TAB2: variants seen among roughly 807,000 people sequenced by gnomAD.
TAB2 encodes the protein TGF-beta activated kinase 1 (MAP3K7) binding protein 2.
In TAB2, 3 loss-of-function variants were observed where a neutral mutation model predicts 65.0. The ratio of observed to expected loss-of-function variants is 0.05; its 90% CI spans 0.02 to 0.12. The LOEUF (loss-of-function observed/expected upper bound fraction) is 0.12. Among genes scored for constraint, TAB2 ranks in the 10% least tolerant of loss-of-function variants. The probability of loss-of-function intolerance (pLI) is 1.00; values close to 1 mark genes in which losing one functional copy is unlikely to be tolerated. For missense variants in TAB2, 623 were observed against 840.3 expected (o/e 0.74, Z 3.20); for synonymous variants, 298 against 285.1 (o/e 1.05, Z -0.46).
intron 1 of TAB2, among the ~76,000 whole-genome samples, chr6:149,343,984 T>G (rs1192294746): frequency 6.6e-6 from 1 of 152,234 alleles, no homozygotes; most frequent in Non-Finnish European, 1.5e-5. Flanking sequence ...ATCCTAATAT[T>G]CTAGCATGTG....
At chr6:149,368,373 A>C (rs1260205427) in intron 1 of TAB2, among the ~76,000 whole-genome samples, 2 of 152,050 alleles carry the variant, frequency 1.3e-5, no homozygotes, top group Non-Finnish European at 2.9e-5. Flanking sequence ...AAAACTATGA[A>C]AGCCTGAGTG....
intron 1 of TAB2, among the ~76,000 whole-genome samples, chr6:149,264,523 A>G (rs1458283545): frequency 2.6e-5 from 4 of 152,088 alleles, no homozygotes; most frequent in Non-Finnish European, 4.4e-5. Flanking sequence ...ATGTTGCTTC[A>G]TGTATAAGAC....
intron 1 of TAB2, among the ~76,000 whole-genome samples, chr6:149,249,866 A>G (rs1437493134): frequency 6.6e-6 from 1 of 152,186 alleles, no homozygotes; most frequent in Admixed American, 6.5e-5. Context: ...TACTACTAAT[A>G]ATAAAATTCT....
At chr6:149,272,184 G>A (rs1778376353) in intron 1 of TAB2, among the ~76,000 whole-genome samples, 1 of 152,208 alleles carries the variant, frequency 6.6e-6, no homozygotes, top group South Asian at 2.1e-4. Flanking sequence ...TAAAAAATTA[G>A]AGGAGTGTTT....
At chr6:149,396,112 G>A (rs565373982) in intron 3 of TAB2, among the ~76,000 whole-genome samples, 2 of 152,138 alleles carry the variant, frequency 1.3e-5, no homozygotes, top group South Asian at 2.1e-4. Context: ...CTGCCTCCCG[G>A]GTTCAAGCAA....
intron 1 of TAB2, among the ~76,000 whole-genome samples, chr6:149,241,393 C>T (rs190838020): frequency 3.3e-5 from 5 of 152,166 alleles, no homozygotes; most frequent in African/African-American, 9.6e-5. Context: ...GTTGATCCTG[C>T]GTACTGTAAA....
chr6:149,238,793 C>T (rs1445027864), intron 1 of TAB2, among the ~76,000 whole-genome samples: 1 of 152,186 alleles, frequency 6.6e-6, no homozygotes. Context: ...CCTTTGCTAC[C>T]TTCTGTAGGC....
At chr6:149,314,743 G>A (rs889901960), upstream of TAB2, among the ~76,000 whole-genome samples, 1 of 152,112 alleles carries the variant, frequency 6.6e-6, no homozygotes, top group Admixed American at 6.6e-5. Flanking sequence ...TAGTGCAACT[G>A]GAAGTCTGAA....
chr6:149,404,648 C>G (rs1452524661), intron 6 of TAB2, among the ~76,000 whole-genome samples: 1 of 152,204 alleles, frequency 6.6e-6, no homozygotes, highest in Admixed American at 6.5e-5. Flanking sequence ...GTCAACTTAT[C>G]TTTGACAAGC....
At chr6:149,260,052 T>C (rs903253215) in intron 1 of TAB2, among the ~76,000 whole-genome samples, 7 of 152,230 alleles carry the variant, frequency 4.6e-5, no homozygotes, top group Admixed American at 4.6e-4. Context: ...CAAGAGGAAG[T>C]ACCAAGATGG....
At chr6:149,359,913 A>G (rs1218719210) in intron 1 of TAB2, among the ~76,000 whole-genome samples, 2 of 152,206 alleles carry the variant, frequency 1.3e-5, no homozygotes, top group Admixed American at 6.5e-5. Context: ...TCCCAAAAGT[A>G]AGACTTAAAT....
chr6:149,306,564 AAAAAAAAAAC>A (rs1013709776), intron 1 of TAB2, among the ~76,000 whole-genome samples: 1 of 151,042 alleles, frequency 6.6e-6, no homozygotes, highest in African/African-American at 2.4e-5. Flanking sequence ...TCTCAAAAAA[AAAAAAAAAAC>A]AAAAAACAAA....
At chr6:149,361,894 A>C (rs1780864618) in intron 1 of TAB2, among the ~76,000 whole-genome samples, 2 of 152,220 alleles carry the variant, frequency 1.3e-5, no homozygotes, top group Admixed American at 1.3e-4. Context: ...GCATGAACAC[A>C]ATACAGCCAA....
intron 1 of TAB2, among the ~76,000 whole-genome samples, chr6:149,240,398 A>G (rs1777575989): frequency 6.6e-6 from 1 of 152,218 alleles, no homozygotes; most frequent in African/African-American, 2.4e-5. Flanking sequence ...CTGCACCCAC[A>G]GAATGCAGAA....
Position 149,400,694 on chromosome 6 carries a change from T to G in TAB2, c.1939+1510T>G, listed in dbSNP as rs368600616. Reference sequence around the variant, plus strand: ...GTGTCTACTGAAAAGGGAACCTGCTTCTTTACTCCAGAACGCTGTTCTTTA... The same window carrying G: ...GTGTCTACTGAAAAGGGAACCTGCTGCTTTACTCCAGAACGCTGTTCTTTA... On this transcript the variant is annotated intron_variant, in intron 6 of 6. Transcript: ENST00000637181. 64 of 1,611,536 alleles carry G rather than the reference T, an allele frequency of 4.0e-5. No individual in the cohort carries two copies. The African/African-American group carries it at 7.9e-4, about 20-fold the overall frequency.
chr6:149,243,951 A>T (rs1214906670), intron 1 of TAB2: 1 of 152,206 alleles, frequency 6.6e-6, no homozygotes, highest in Non-Finnish European at 1.5e-5. Context: ...AGATTATCCC[A>T]TCCAGTGTGG....
chr6:149,275,715 A>G (rs2114680720), intron 1 of TAB2, among the ~76,000 whole-genome samples: 1 of 152,314 alleles, frequency 6.6e-6, no homozygotes, highest in Admixed American at 6.5e-5. Context: ...CAACAGTGAT[A>G]AGTCATGTTG....
chr6:149,297,675 C>A (rs1355400279), intron 1 of TAB2, among the ~76,000 whole-genome samples: 2 of 152,036 alleles, frequency 1.3e-5, no homozygotes, highest in East Asian at 3.9e-4. Context: ...TAGGGGTATG[C>A]CACTACACTT....
In TAB2 at chr6:149,334,238, T is replaced by C. The variant is rs566514393; in HGVS notation, c.-90+16223T>C. On this transcript the variant is annotated intron_variant, in intron 1 of 6. Coordinates refer to ENST00000637181, the MANE Select transcript of TAB2 (RefSeq NM_001292034.3). Reference sequence around the variant, plus strand: ...CTCAGGTCTCCTCTCTCTTACCTTTTTTTCATTATTCCCTGTGTCAGTGTC... The same window carrying C: ...CTCAGGTCTCCTCTCTCTTACCTTTCTTTCATTATTCCCTGTGTCAGTGTC... Among the ~76,000 whole-genome samples the C allele has an allele frequency of 1.6e-4, 24 of 152,332 alleles. No homozygotes were observed. The South Asian group carries it at 4.1e-3, about 26-fold the overall frequency.
Sources: allele counts gnomAD v4.1 joint callset (sites outside exome capture counted in the v4.1 genomes callset), GRCh38; gene constraint gnomAD v4.1.1; transcripts MANE v1.5; gene names NCBI Gene and HGNC (gene_info 2026-07-23, HGNC 2026-07-21).